The following HCN1 variants were observed in gnomAD, a reference collection of about 807,000 sequenced individuals.
HCN1 encodes the protein potassium/sodium hyperpolarization-activated cyclic nucleotide-gated channel 1.
Under a neutral mutation model 78.9 loss-of-function variants are expected in HCN1, and 13 were observed. That is an observed-to-expected ratio of 0.16 (90% confidence interval 0.11 to 0.26). HCN1 has a LOEUF of 0.26. Among genes scored for constraint, HCN1 ranks in the 10% least tolerant of loss-of-function variants. The pLI, the probability that HCN1 is intolerant of heterozygous loss-of-function variation, is 1.00. For missense variants in HCN1, 810 were observed against 1,154.3 expected (o/e 0.70, Z 4.32); for synonymous variants, 552 against 455.5 (o/e 1.21, Z -2.70).
intron 2 of HCN1, among the ~76,000 whole-genome samples, chr5:45,524,297 T>C (rs1742681823): frequency 6.6e-6 from 1 of 152,178 alleles, no homozygotes; most frequent in Non-Finnish European, 1.5e-5. Context: ...GGTAGCGTGA[T>C]GCCTCCCGCT....
chr5:45,393,478 C>T (rs1739625343), intron 4 of HCN1, among the ~76,000 whole-genome samples: 1 of 152,022 alleles, frequency 6.6e-6, no homozygotes, highest in East Asian at 1.9e-4. Context: ...AAGAAAGTGA[C>T]CACTCAAAAT....
intron 5 of HCN1, among the ~76,000 whole-genome samples, chr5:45,344,790 G>A (rs1270136928): frequency 6.6e-6 from 1 of 152,200 alleles, no homozygotes; most frequent in African/African-American, 2.4e-5. Context: ...GCTTTCATGG[G>A]TGGGGATTCA....
At chr5:45,349,520 A>C (rs1353472702) in intron 5 of HCN1, among the ~76,000 whole-genome samples, 1 of 152,140 alleles carries the variant, frequency 6.6e-6, no homozygotes, top group Non-Finnish European at 1.5e-5. Context: ...AAATAACTAA[A>C]ATCAGAGCAG....
intron 4 of HCN1, among the ~76,000 whole-genome samples, chr5:45,395,332 A>G (rs1218288594): frequency 6.6e-6 from 1 of 152,176 alleles, no homozygotes; most frequent in East Asian, 1.9e-4. Flanking sequence ...AGCATTGTAT[A>G]AAGTCTCTTC....
In HCN1 at chr5:45,525,514, C is replaced by T. The variant is rs111304996; in HGVS notation, c.850-63507G>A. Among the ~76,000 whole-genome samples, 1,108 of 151,108 alleles carry T rather than the reference C, an allele frequency of 7.3e-3. 11 individuals carry two copies. Among genetic ancestry groups the T allele is most frequent in the African/African-American group, 0.026 (1,058 of 41,260 alleles). On this transcript the variant is annotated intron_variant, in intron 2 of 7. Transcript: ENST00000303230. ...ATTTTATATACTAATTAATATATTC[C>T]GTCTGTACAAATCCAATTGCTTCTT...
intron 3 of HCN1, among the ~76,000 whole-genome samples, chr5:45,449,139 G>A (rs1317852242): frequency 6.6e-6 from 1 of 152,008 alleles, no homozygotes; most frequent in African/African-American, 2.4e-5. Context: ...GCATATATAA[G>A]CACCTTTATT....
intron 2 of HCN1, among the ~76,000 whole-genome samples, chr5:45,498,480 C>T (rs1320770436): frequency 1.3e-5 from 2 of 152,130 alleles, no homozygotes; most frequent in Non-Finnish European, 2.9e-5. Flanking sequence ...TCTAGTTATA[C>T]ATTCTTCTAA....
At chr5:45,515,848 T>C (rs1042133771) in intron 2 of HCN1, among the ~76,000 whole-genome samples, 4 of 151,898 alleles carry the variant, frequency 2.6e-5, no homozygotes, top group Non-Finnish European at 5.9e-5. Context: ...AATGTCAAAA[T>C]TATCCCACAG....
intron 6 of HCN1, among the ~76,000 whole-genome samples, chr5:45,285,845 T>C (rs932122791): frequency 3.3e-5 from 5 of 152,016 alleles, no homozygotes; most frequent in Admixed American, 1.3e-4. Flanking sequence ...ACTGTGACCA[T>C]GAATGATTCA....
chr5:45,585,590 G>T (rs1210360146), intron 2 of HCN1, among the ~76,000 whole-genome samples: 1 of 152,178 alleles, frequency 6.6e-6, no homozygotes, highest in Non-Finnish European at 1.5e-5. Flanking sequence ...CTTTGGAGGA[G>T]GAGAGGCACT....
intron 2 of HCN1, among the ~76,000 whole-genome samples, chr5:45,494,028 C>T (rs1400641957): frequency 6.6e-6 from 1 of 152,058 alleles, no homozygotes; most frequent in Non-Finnish European, 1.5e-5. Flanking sequence ...GGTTCCAAGT[C>T]TTTGCTATTG....
chr5:45,497,680 T>C (rs937801218), intron 2 of HCN1, among the ~76,000 whole-genome samples: 1 of 152,174 alleles, frequency 6.6e-6, no homozygotes, highest in Non-Finnish European at 1.5e-5. Context: ...TGTCTTTTAA[T>C]TGGAGCATTT....
chr5:45,371,947 A>C (rs192971219), intron 4 of HCN1, among the ~76,000 whole-genome samples: 2 of 95,290 alleles, frequency 2.1e-5, no homozygotes, highest in South Asian at 2.7e-4. Flanking sequence ...TATAATATAT[A>C]ATATAATATA....
At chr5:45,660,450 A>G (rs1055308343) in intron 1 of HCN1, among the ~76,000 whole-genome samples, 1 of 140,578 alleles carries the variant, frequency 7.1e-6, no homozygotes, top group African/African-American at 2.8e-5. Context: ...TTCACACATA[A>G]CAATATTAAC....
At chr5:45,611,784 T>G (rs1744842764) in intron 2 of HCN1, among the ~76,000 whole-genome samples, 2 of 152,114 alleles carry the variant, frequency 1.3e-5, no homozygotes, top group Non-Finnish European at 2.9e-5. Flanking sequence ...TTATTCTATT[T>G]TAGCATAAAA....
At chr5:45,383,168 A>T (rs1408401716) in intron 4 of HCN1, among the ~76,000 whole-genome samples, 1 of 152,164 alleles carries the variant, frequency 6.6e-6, no homozygotes, top group African/African-American at 2.4e-5. Flanking sequence ...TTTCAGTGTG[A>T]TGCTATCGTC....
intron 3 of HCN1, among the ~76,000 whole-genome samples, chr5:45,438,659 A>C (rs1740613273): frequency 6.6e-6 from 1 of 152,114 alleles, no homozygotes; most frequent in African/African-American, 2.4e-5. Flanking sequence ...AAAACACCTG[A>C]GTTAAATTGC....
chr5:45,326,119 C>T (rs1746229143), intron 5 of HCN1, among the ~76,000 whole-genome samples: 1 of 151,440 alleles, frequency 6.6e-6, no homozygotes, highest in South Asian at 2.1e-4. Flanking sequence ...AACAAAAGGA[C>T]CACGCATTTT....
At chr5:45,506,661 T>A (rs913145650) in intron 2 of HCN1, among the ~76,000 whole-genome samples, 1 of 152,170 alleles carries the variant, frequency 6.6e-6, no homozygotes, top group Non-Finnish European at 1.5e-5. Context: ...TTGCTTTGTA[T>A]TGCTATTTTT....
Sources: allele counts gnomAD v4.1 joint callset (sites outside exome capture counted in the v4.1 genomes callset), GRCh38; gene constraint gnomAD v4.1.1; transcripts MANE v1.5; gene names NCBI Gene and HGNC (gene_info 2026-07-23, HGNC 2026-07-21).